The following RARB variants were observed in gnomAD, a reference collection of about 807,000 sequenced individuals.
The protein encoded by RARB is retinoic acid receptor beta, also known as HBV-activated protein.
In RARB, 17 loss-of-function variants were observed where a neutral mutation model predicts 51.9. The observed-to-expected ratio is 0.33, with a 90% CI of 0.22 to 0.49. RARB has a LOEUF of 0.49. Among genes scored for constraint, RARB ranks in the 20% least tolerant of loss-of-function variants. The pLI is 0.99. For missense variants in RARB, 369 were observed against 550.8 expected (o/e 0.67, Z 3.30); for synonymous variants, 215 against 195.4 (o/e 1.10, Z -0.84).
chr3:24,926,289 T>G (rs1270519333), intron 2 of RARB, among the ~76,000 whole-genome samples: 1 of 150,684 alleles, frequency 6.6e-6, no homozygotes, highest in African/African-American at 2.4e-5. Context: ...TGTGTAAAAT[T>G]GAAGCCTACT....
intron 3 of RARB, among the ~76,000 whole-genome samples, chr3:25,522,074 A>G (rs559954610): frequency 6.6e-6 from 1 of 152,066 alleles, no homozygotes; most frequent in East Asian, 1.9e-4. Context: ...CATTTTAGAG[A>G]TGAAATACCT....
chr3:24,833,509 C>A (rs978812862), intron 1 of RARB, among the ~76,000 whole-genome samples: 2 of 152,188 alleles, frequency 1.3e-5, no homozygotes, highest in African/African-American at 4.8e-5. Flanking sequence ...CCATTCCTGG[C>A]CTCTGAGCTT....
rs576351030 is a variant in RARB at position 24,877,562 on chromosome 3, C to A, written c.-380+18810C>A. 1.1e-4 allele frequency among the ~76,000 whole-genome samples: 16 copies of A among 152,046 alleles called. No homozygotes were observed. The South Asian group carries it at 2.7e-3, about 26-fold the overall frequency. On this transcript the variant is annotated intron_variant, in intron 2 of 11. Coordinates refer to the RARB transcript ENST00000383772. The stretch of plus-strand genomic sequence containing the variant: ...TCTAAAGATGATGGTTCAACAAGAC[C>A]ACAGCCAAGATACCAGGTACAGCTG...
At chr3:24,944,441 A>G (rs1056054765) in intron 2 of RARB, among the ~76,000 whole-genome samples, 11 of 152,228 alleles carry the variant, frequency 7.2e-5, no homozygotes, top group African/African-American at 2.7e-4. Flanking sequence ...TTTAATCCAT[A>G]CTGGCGTGTT....
At chr3:25,523,096 A>G (rs1698471499) in intron 3 of RARB, among the ~76,000 whole-genome samples, 1 of 152,220 alleles carries the variant, frequency 6.6e-6, no homozygotes, top group Non-Finnish European at 1.5e-5. Context: ...ACACAGTGGA[A>G]TCACAGCCAA....
intron 2 of RARB, among the ~76,000 whole-genome samples, chr3:24,907,485 GTAT>G (rs1694891561): frequency 6.6e-6 from 1 of 152,020 alleles, no homozygotes. Flanking sequence ...ATTATTAGGT[GTAT>G]TATTATTAAA....
intron 4 of RARB, among the ~76,000 whole-genome samples, chr3:25,146,620 G>A (rs1022931699): frequency 6.6e-6 from 1 of 150,582 alleles, no homozygotes. Context: ...CCATTCTCCT[G>A]CCTCAGCCTC....
chr3:24,952,245 TG>T (rs910480631), intron 2 of RARB, among the ~76,000 whole-genome samples: 14 of 135,090 alleles, frequency 1.0e-4, no homozygotes, highest in Non-Finnish European at 1.9e-4. Context: ...AAGTAACATT[TG>T]TTTTTTTTTA....
intron 2 of RARB, among the ~76,000 whole-genome samples, chr3:24,913,347 G>T (rs1397424702): frequency 6.7e-6 from 1 of 148,682 alleles, no homozygotes; most frequent in East Asian, 2.0e-4. Context: ...ACAGACAATT[G>T]TAGAGACAAC....
intron 3 of RARB, among the ~76,000 whole-genome samples, chr3:25,568,438 C>T (rs1236509776): frequency 6.6e-6 from 1 of 152,182 alleles, no homozygotes; most frequent in Non-Finnish European, 1.5e-5. Flanking sequence ...CAGCTGCCCT[C>T]CCTCCTGGTT....
chr3:24,899,708 TAA>T (rs1192294299), intron 2 of RARB, among the ~76,000 whole-genome samples: 1 of 152,168 alleles, frequency 6.6e-6, no homozygotes, highest in Non-Finnish European at 1.5e-5. Context: ...AAAGTGAAAT[TAA>T]AGTCATTTAT....
intron 3 of RARB, among the ~76,000 whole-genome samples, chr3:25,548,545 T>A (rs1247629362): frequency 6.6e-6 from 1 of 151,080 alleles, no homozygotes; most frequent in Non-Finnish European, 1.5e-5. Flanking sequence ...TCTTTAAATG[T>A]GATGCACATT....
At chr3:25,579,643 T>C (rs1263939802) in intron 4 of RARB, among the ~76,000 whole-genome samples, 2 of 152,260 alleles carry the variant, frequency 1.3e-5, no homozygotes, top group Non-Finnish European at 2.9e-5. Context: ...TGAGTTGCTT[T>C]CAATCTATAG....
At chr3:25,259,900 G>A (rs1485592171) in intron 5 of RARB, 2 of 984,976 alleles carry the variant, frequency 2.0e-6, no homozygotes, top group Non-Finnish European at 2.4e-6. Context: ...CAAGATTAGG[G>A]AAGGTTTTCT....
At chr3:25,239,673 T>C (rs1455431779) in intron 5 of RARB, among the ~76,000 whole-genome samples, 6 of 152,198 alleles carry the variant, frequency 3.9e-5, no homozygotes, top group Non-Finnish European at 7.4e-5. Context: ...TCTGTTTTTA[T>C]GCCAATATAA....
In RARB at chr3:25,183,008, G is replaced by T. The variant is rs966143431; in HGVS notation, c.178+8433G>T. Among the ~76,000 whole-genome samples the T allele has an allele frequency of 2.6e-5, 4 of 152,074 alleles. No homozygotes were observed. In the South Asian group the frequency reaches 8.3e-4, roughly 32 times the overall value. ...ACATTCCCCCCACAGCTCTTAGAAG[G>T]AGGCAACCCTGCCAGCACCTTGGTT... On this transcript the variant is annotated intron_variant, in intron 5 of 11. Transcript: ENST00000383772.
intron 2 of RARB, among the ~76,000 whole-genome samples, chr3:24,938,454 T>G (rs1399580208): frequency 6.6e-6 from 1 of 152,180 alleles, no homozygotes; most frequent in Non-Finnish European, 1.5e-5. Context: ...CCAGTAGATA[T>G]TCTGTTTCTC....
At chr3:25,144,788 G>A (rs927879260) in intron 4 of RARB, among the ~76,000 whole-genome samples, 2 of 152,170 alleles carry the variant, frequency 1.3e-5, no homozygotes, top group African/African-American at 4.8e-5. Context: ...AGGAGCATGT[G>A]ATCAGCCCGT....
intron 5 of RARB, among the ~76,000 whole-genome samples, chr3:25,288,554 A>G (rs530378146): frequency 1.3e-5 from 2 of 152,146 alleles, no homozygotes; most frequent in Non-Finnish European, 2.9e-5. Context: ...ATTTGGGCCA[A>G]TTTGCATGTG....
Sources: allele counts gnomAD v4.1 joint callset (sites outside exome capture counted in the v4.1 genomes callset), GRCh38; gene constraint gnomAD v4.1.1; transcripts MANE v1.5; gene names NCBI Gene and HGNC (gene_info 2026-07-23, HGNC 2026-07-21).